The following MPHOSPH9 variants were observed in gnomAD, a reference collection of about 807,000 sequenced individuals.
MPHOSPH9 encodes M-phase phosphoprotein 9.
A neutral mutation model predicts 145.5 loss-of-function variants in MPHOSPH9; 88 were observed. That is an observed-to-expected ratio of 0.60 (90% confidence interval 0.51 to 0.72). MPHOSPH9 has a LOEUF of 0.72. Among genes scored for constraint, MPHOSPH9 ranks in the 30% least tolerant of loss-of-function variants. The pLI is 0.00. For missense variants in MPHOSPH9, 1,238 were observed against 1,386.6 expected, an observed-to-expected ratio of 0.89 and a Z score of 1.70; for synonymous variants, 435 against 486.2, an observed-to-expected ratio of 0.89 and a Z score of 1.39.
chr12:123,211,060 C>G (rs1344554801), intron 7 of MPHOSPH9, among the ~76,000 whole-genome samples: 1 of 140,072 alleles, frequency 7.1e-6, no homozygotes, highest in Non-Finnish European at 1.5e-5. Flanking sequence ...GCTCGGCTCA[C>G]TGCAACCTCC....
intron 20 of MPHOSPH9, 167 bp from the exon 21 acceptor site, chr12:123,162,385 A>T (rs2137884818): frequency 2.5e-6 from 1 of 395,522 alleles, no homozygotes; most frequent in South Asian, 8.7e-5. Context: ...CTATTTTCTA[A>T]CAAAATTGTA....
chr12:123,239,043 G>T (rs1050518502), intron 1 of MPHOSPH9, among the ~76,000 whole-genome samples: 5 of 152,178 alleles, frequency 3.3e-5, no homozygotes, highest in Non-Finnish European at 7.3e-5. Context: ...GGCTGAGGAA[G>T]GCAGATCGCT....
Position 123,181,224 on chromosome 12 carries a change from C to T in MPHOSPH9, c.2242-14G>A. 2 of 1,586,348 alleles carry T rather than the reference C, an allele frequency of 1.3e-6. No homozygotes were observed. The highest frequency in any genetic ancestry group is 2.7e-5 in the African/African-American group (2 of 73,146). On this transcript the variant is annotated splice_polypyrimidine_tract_variant and intron_variant, in intron 13 of 23. Transcript: ENST00000606320. ...CTCTCCTAAAAGCTACAAGGAAAAA[C>T]AAAAAAAAATTATACCACAAAATTA...
At chr12:123,183,538 ACT>A (rs2138129340) in intron 13 of MPHOSPH9, among the ~76,000 whole-genome samples, 1 of 106,770 alleles carries the variant, frequency 9.4e-6, no homozygotes, top group African/African-American at 3.0e-5. Flanking sequence ...ACAGAGCAAG[ACT>A]CTGTCTCAAA....
chr12:123,242,401 G>C (rs2047954257), intron 1 of MPHOSPH9, among the ~76,000 whole-genome samples: 1 of 152,098 alleles, frequency 6.6e-6, no homozygotes, highest in African/African-American at 2.4e-5. Context: ...GTCACAATGA[G>C]CTATAATTTG....
chr12:123,188,743 T>C (rs1000386274), intron 13 of MPHOSPH9, among the ~76,000 whole-genome samples: 2 of 152,184 alleles, frequency 1.3e-5, no homozygotes, highest in African/African-American at 4.8e-5. Context: ...AGCTACATGG[T>C]AGGCTAAGGC....
chr12:123,200,878 T>TG (rs2046192350), intron 11 of MPHOSPH9, among the ~76,000 whole-genome samples: 1 of 152,022 alleles, frequency 6.6e-6, no homozygotes, highest in African/African-American at 2.4e-5. Context: ...AGGCTGGTCT[T>TG]GAACTCCTAA....
intron 16 of MPHOSPH9, among the ~76,000 whole-genome samples, chr12:123,168,341 CTTTT>C (rs1247136954): frequency 2.2e-5 from 3 of 135,406 alleles, no homozygotes; most frequent in Admixed American, 7.4e-5. Context: ...ACATGACTTT[CTTTT>C]TTTTTTTTTT....
At position 123,160,773 on chromosome 12, in the gene MPHOSPH9, C is replaced by T. The variant is rs2044070879; in HGVS notation, c.3450+8G>A. On this transcript the variant is annotated splice_region_variant and intron_variant, in intron 23 of 23. Transcript: ENST00000606320. ...CCTCTAAAGCAGATTCAAGCTAAGACATTTCACCTGATTTAATCTTGTCTG... is the reference window on the plus strand; with the variant it reads ...CCTCTAAAGCAGATTCAAGCTAAGATATTTCACCTGATTTAATCTTGTCTG... The T allele has an allele frequency of 1.9e-6, 3 of 1,613,018 alleles. No homozygotes were observed. Among genetic ancestry groups the T allele is most frequent in the Middle Eastern group, 3.3e-4 (2 of 6,060 alleles).
chr12:123,202,519 A>T, intron 10 of MPHOSPH9, 105 bp downstream of exon 10: 1 of 1,278,336 alleles, frequency 7.8e-7, no homozygotes, highest in Non-Finnish European at 1.1e-6. Flanking sequence ...TAAAAATGCT[A>T]AATCTCTAAG....
chr12:123,228,416 G>A (rs1050399753), intron 2 of MPHOSPH9, among the ~76,000 whole-genome samples: 23 of 152,322 alleles, frequency 1.5e-4, no homozygotes, highest in African/African-American at 3.8e-4. Flanking sequence ...GAGGCCAGGC[G>A]CAGTGGCTCA....
chr12:123,181,637 T>C (rs2138102202), intron 13 of MPHOSPH9, among the ~76,000 whole-genome samples: 1 of 152,052 alleles, frequency 6.6e-6, no homozygotes, highest in Admixed American at 6.6e-5. Flanking sequence ...GTGGAAGTAT[T>C]GCTTGAGCCT....
chr12:123,153,597 G>C (rs182984264), downstream of MPHOSPH9, among the ~76,000 whole-genome samples: 1 of 151,818 alleles, frequency 6.6e-6, no homozygotes, highest in Non-Finnish European at 1.5e-5. Context: ...TGAGAACCCC[G>C]TCTCTACCGA....
chr12:123,208,328 A>G (rs1017557678), intron 8 of MPHOSPH9, among the ~76,000 whole-genome samples: 4 of 151,942 alleles, frequency 2.6e-5, no homozygotes, highest in Admixed American at 2.6e-4. Context: ...CACGAGGTCA[A>G]GAGATCGAGA....
At chr12:123,224,681 T>C (rs547949085) in intron 3 of MPHOSPH9, among the ~76,000 whole-genome samples, 1 of 152,174 alleles carries the variant, frequency 6.6e-6, no homozygotes, top group South Asian at 2.1e-4. Flanking sequence ...GGTCCAGGCA[T>C]GCGGATCATA....
rs56381254 is a variant in MPHOSPH9, at chr12:123,206,302, C to CAA, written c.1195-2929_1195-2928dup. ...CTTGCCTCTACTAAAAACAAACAAACAAAAAAAAAATGAGCCAGGTGTGGT... is the reference window on the plus strand; with the variant it reads ...CTTGCCTCTACTAAAAACAAACAAACAAAAAAAAAAAATGAGCCAGGTGTGGT... On this transcript the variant is annotated intron_variant, in intron 8 of 23. Transcript: ENST00000606320. Among the ~76,000 whole-genome samples the CAA allele has an allele frequency of 1.9e-3, 285 of 147,302 alleles. 3 individuals are homozygous for CAA. The highest frequency in any genetic ancestry group is 5.7e-3 in the African/African-American group (225 of 39,684).
chr12:123,165,319 TTCTC>T lies in MPHOSPH9; in HGVS notation c.2746_2749del (p.Glu916LysfsTer7), dbSNP rs756908528. ...ATACTCACTATTTGAGGTGTCCTCT[TTCTC>T]TGTCTGTGTCCCCCAATTTTTAAAT... On this transcript the variant is annotated frameshift_variant, in exon 18 of 24. Transcript: ENST00000606320. LOFTEE classifies it high-confidence loss of function. The T allele has an allele frequency of 6.2e-7, 1 of 1,613,644 alleles. No individual in the cohort carries two copies. The highest frequency in any genetic ancestry group is 1.1e-5 in the South Asian group (1 of 91,012).
At chr12:123,235,988 C>T (rs1268169258), upstream of MPHOSPH9, among the ~76,000 whole-genome samples, 1 of 151,896 alleles carries the variant, frequency 6.6e-6, no homozygotes, top group Non-Finnish European at 1.5e-5. Context: ...CGCTGGAACC[C>T]GGGAGGCAAA....
intron 13 of MPHOSPH9, among the ~76,000 whole-genome samples, chr12:123,191,752 C>T (rs1388694289): frequency 6.6e-6 from 1 of 152,168 alleles, no homozygotes; most frequent in African/African-American, 2.4e-5. Flanking sequence ...CAAAGAATGA[C>T]AAAAGCAAGT....
Sources: gnomAD v4.1 joint callset for allele counts (sites outside exome capture counted in the v4.1 genomes callset) on GRCh38, gnomAD v4.1.1 for gene constraint, MANE v1.5 for transcripts, NCBI Gene and HGNC (gene_info 2026-07-23, HGNC 2026-07-21) for gene names.